The following RAP1A variants were observed in gnomAD, a reference collection of about 807,000 sequenced individuals.
The protein encoded by RAP1A is ras-related protein Rap-1A.
RAP1A carries 6 observed loss-of-function variants against 26.4 expected under a neutral mutation model. The observed-to-expected ratio is 0.23, with a 90% confidence interval of 0.12 to 0.45. The LOEUF is 0.45. RAP1A is among the 20% of genes least tolerant of loss of function. RAP1A has a pLI of 0.99. For missense variants in RAP1A, 121 were observed against 217.2 expected, an observed-to-expected ratio of 0.56 and a Z score of 2.78; for synonymous variants, 73 against 79.4, an observed-to-expected ratio of 0.92 and a Z score of 0.43.
chr1:111,676,305 G>A (rs557579134), intron 1 of RAP1A, among the ~76,000 whole-genome samples: 6 of 152,276 alleles, frequency 3.9e-5, no homozygotes, highest in South Asian at 2.1e-4. Flanking sequence ...GCAGTGAGCC[G>A]AGATCATGCC....
intron 1 of RAP1A, among the ~76,000 whole-genome samples, chr1:111,620,187 C>A (rs536386011): frequency 6.6e-6 from 1 of 152,234 alleles, no homozygotes; most frequent in South Asian, 2.1e-4. Flanking sequence ...TGTAGGCCTG[C>A]GGGAGACCGT....
At chr1:111,600,720 G>C (rs1658655845) in intron 1 of RAP1A, among the ~76,000 whole-genome samples, 2 of 152,180 alleles carry the variant, frequency 1.3e-5, no homozygotes, top group Admixed American at 1.3e-4. Flanking sequence ...CATTTACAGA[G>C]AAGAAACCAG....
At chr1:111,643,507 T>C (rs1230127108) in intron 1 of RAP1A, among the ~76,000 whole-genome samples, 1 of 152,240 alleles carries the variant, frequency 6.6e-6, no homozygotes, top group Admixed American at 6.5e-5. Context: ...TTATTAGCAC[T>C]ATTTGAAACA....
chr1:111,613,358 C>T (rs1658959836), intron 1 of RAP1A, among the ~76,000 whole-genome samples: 1 of 152,104 alleles, frequency 6.6e-6, no homozygotes, highest in Non-Finnish European at 1.5e-5. Context: ...CGCCACCATG[C>T]CCGGCTAATG....
At chr1:111,542,337 G>A in exon 1 of RAP1A, 1 of 431,660 alleles carries the variant, frequency 2.3e-6, no homozygotes, top group Non-Finnish European at 4.8e-6. Flanking sequence ...GTGTCTGTGT[G>A]GCTCCTTCCA....
chr1:111,672,961 G>T (rs1252748766), intron 1 of RAP1A, among the ~76,000 whole-genome samples: 2 of 151,810 alleles, frequency 1.3e-5, no homozygotes, highest in Non-Finnish European at 1.5e-5. Flanking sequence ...TGTTACTTTG[G>T]GTCTGGTGTT....
At chr1:111,564,512 C>CT (rs577908974) in intron 1 of RAP1A, among the ~76,000 whole-genome samples, 3,265 of 119,958 alleles carry the variant, frequency 0.027, 73 homozygotes, top group East Asian at 0.063. Flanking sequence ...GACCCCAACT[C>CT]TTTTTTTTTT....
intron 1 of RAP1A, among the ~76,000 whole-genome samples, chr1:111,620,441 G>T (rs989516406): frequency 1.3e-5 from 2 of 152,112 alleles, no homozygotes; most frequent in Non-Finnish European, 2.9e-5. Flanking sequence ...CCGCGGGGGC[G>T]GGGGGGAGGG....
chr1:111,653,571 C>T (rs1249634373), intron 1 of RAP1A, among the ~76,000 whole-genome samples: 1 of 150,716 alleles, frequency 6.6e-6, no homozygotes, highest in African/African-American at 2.4e-5. Context: ...GTAATCCCAG[C>T]TACGTGGGAG....
chr1:111,687,592 A>G (rs1392755895), intron 1 of RAP1A, among the ~76,000 whole-genome samples: 3 of 152,222 alleles, frequency 2.0e-5, no homozygotes, highest in African/African-American at 7.2e-5. Context: ...CTTTCAAAAC[A>G]TACTATATTA....
intron 1 of RAP1A, among the ~76,000 whole-genome samples, chr1:111,641,659 G>A (rs1376129909): frequency 1.3e-5 from 2 of 152,082 alleles, no homozygotes; most frequent in African/African-American, 4.8e-5. Context: ...GCGCGCGCAT[G>A]CACATAGGTC....
At chr1:111,573,062 C>T (rs541140251) in intron 1 of RAP1A, among the ~76,000 whole-genome samples, 40 of 152,280 alleles carry the variant, frequency 2.6e-4, no homozygotes, top group Non-Finnish European at 2.4e-4. Flanking sequence ...ATCCATGTTC[C>T]TGCAAAGGAC....
rs566354143 is a variant in RAP1A at position 111,683,034 on chromosome 1, A to G, written c.-27-8300A>G. The stretch of plus-strand genomic sequence containing the variant: ...GAAACTCACTCAAAACTGCACAACT[A>G]CATGGAAACTGAACAACCTGCTCCT... On this transcript the variant is annotated intron_variant, in intron 1 of 7. Transcript: ENST00000369709. Among the ~76,000 whole-genome samples, 36 of 152,342 alleles carry G rather than the reference A, an allele frequency of 2.4e-4. 1 individual carries two copies. The South Asian group carries it at 7.0e-3, about 30-fold the overall frequency.
intron 1 of RAP1A, among the ~76,000 whole-genome samples, chr1:111,601,166 T>A (rs1261476825): frequency 6.6e-6 from 1 of 152,216 alleles, no homozygotes; most frequent in Non-Finnish European, 1.5e-5. Context: ...TCGATGACAA[T>A]GTTCAGTGTG....
chr1:111,560,555 C>G (rs1657695925), intron 1 of RAP1A, among the ~76,000 whole-genome samples: 1 of 151,646 alleles, frequency 6.6e-6, no homozygotes, highest in Non-Finnish European at 1.5e-5. Context: ...ATGGCACGAT[C>G]ATAGCTCACT....
upstream of RAP1A, among the ~76,000 whole-genome samples, chr1:111,619,014 T>A (rs977662293): frequency 6.6e-6 from 1 of 152,172 alleles, no homozygotes. Context: ...CCTTCTCTCA[T>A]GGTTTCCCGT....
At chr1:111,670,993 T>C (rs1398566431) in intron 1 of RAP1A, among the ~76,000 whole-genome samples, 1 of 152,258 alleles carries the variant, frequency 6.6e-6, no homozygotes, top group Admixed American at 6.5e-5. Context: ...CACATAACTC[T>C]GCTTCAGTTA....
intron 1 of RAP1A, among the ~76,000 whole-genome samples, chr1:111,624,321 G>A (rs1475182656): frequency 7.9e-5 from 12 of 151,978 alleles, no homozygotes; most frequent in Non-Finnish European, 1.0e-4. Flanking sequence ...TTCTTTTATT[G>A]TGTGCATGAA....
At chr1:111,630,556 A>G (rs1203452873) in intron 1 of RAP1A, among the ~76,000 whole-genome samples, 2 of 152,230 alleles carry the variant, frequency 1.3e-5, no homozygotes, top group South Asian at 2.1e-4. Context: ...CCATGAAGAA[A>G]CTATAGCAAG....
Sources: gnomAD v4.1 joint callset for allele counts (sites outside exome capture counted in the v4.1 genomes callset) on GRCh38, gnomAD v4.1.1 for gene constraint, MANE v1.5 for transcripts, NCBI Gene and HGNC (gene_info 2026-07-23, HGNC 2026-07-21) for gene names.